GAPVD1: variants seen among roughly 807,000 people sequenced by gnomAD.
The protein encoded by GAPVD1 is GTPase activating protein and VPS9 domains 1.
GAPVD1 carries 35 observed loss-of-function variants against 155.5 expected under a neutral mutation model. That is an observed-to-expected ratio of 0.23 (90% confidence interval 0.17 to 0.30). The LOEUF is 0.30. Ranked by LOEUF, GAPVD1 falls within the 10% of genes least tolerant of loss-of-function variation. GAPVD1 has a pLI of 1.00. For missense variants in GAPVD1, 1,429 were observed against 1,775.7 expected, an observed-to-expected ratio of 0.80 and a Z score of 3.51; for synonymous variants, 636 against 619.7, an observed-to-expected ratio of 1.03 and a Z score of -0.39.
intron 21 of GAPVD1, among the ~76,000 whole-genome samples, chr9:125,349,984 C>T (rs769749126): frequency 1.3e-5 from 2 of 152,168 alleles, no homozygotes; most frequent in Non-Finnish European, 2.9e-5. Context: ...CGTGGTCCCT[C>T]CCACTCTGCC....
At chr9:125,310,620 A>G (rs944508789) in intron 8 of GAPVD1, among the ~76,000 whole-genome samples, 1 of 148,316 alleles carries the variant, frequency 6.7e-6, no homozygotes, top group African/African-American at 2.5e-5. Context: ...GCTCACCGCA[A>G]CCTCTGCCTC....
rs1404910883 is a variant in GAPVD1 at position 125,261,885 on chromosome 9, G to C, written c.-273G>C. 1 of 154,288 alleles carries C rather than the reference G, an allele frequency of 6.5e-6. No individual in the cohort carries two copies. The highest frequency in any genetic ancestry group is 6.5e-5 in the Admixed American group (1 of 15,302). The allele number at this position is 154,288 out of a possible 1,614,324, so 9.6% of individuals were successfully genotyped here. On this transcript the variant is annotated 5_prime_UTR_variant, in exon 1 of 28. Transcript: ENST00000297933. ...GGCAGCGGCGGCGGGGGCAGTCACC[G>C]GCTAGGGCGACGGCTCCGAGGCCGA...
At chr9:125,317,941 G>T (rs1019309696) in intron 9 of GAPVD1, among the ~76,000 whole-genome samples, 2 of 152,148 alleles carry the variant, frequency 1.3e-5, no homozygotes, top group Non-Finnish European at 2.9e-5. Context: ...TGAACTTGAA[G>T]ATGGATCAAT....
At chr9:125,297,850 A>G (rs1405069721) in intron 3 of GAPVD1, among the ~76,000 whole-genome samples, 3 of 152,082 alleles carry the variant, frequency 2.0e-5, no homozygotes, top group Non-Finnish European at 4.4e-5. Context: ...GGTTCAAACA[A>G]TTCTCCTGCC....
At chr9:125,296,177 C>A (rs1395379653) in intron 3 of GAPVD1, among the ~76,000 whole-genome samples, 2 of 150,216 alleles carry the variant, frequency 1.3e-5, no homozygotes, top group African/African-American at 2.4e-5. Flanking sequence ...TTCTTTCTTT[C>A]TTCCTTTTTT....
rs1851460388 is a variant in GAPVD1, at chr9:125,366,192, T to C, written c.*3446T>C. 1 of 152,192 alleles carries C rather than the reference T, an allele frequency of 6.6e-6. No individual in the cohort carries two copies. The highest frequency in any genetic ancestry group is 2.1e-4 in the South Asian group (1 of 4,826). 9.4% of individuals were successfully genotyped at this position (152,192 alleles called of 1,614,324 possible). A position where few individuals can be genotyped will look rare whatever the true frequency, so the allele number is the denominator to read the frequency against. On this transcript the variant is annotated 3_prime_UTR_variant, in exon 28 of 28. Coordinates refer to ENST00000297933, the MANE Select transcript of GAPVD1 (RefSeq NM_001282680.3). ...CTTTGTTTAAAGTGGGCTTTACAAA[T>C]GTGTCCCTGAGGTGCGTGAGCAAGA...
intron 2 of GAPVD1, among the ~76,000 whole-genome samples, chr9:125,291,104 T>C (rs573070350): frequency 2.0e-5 from 3 of 150,464 alleles, no homozygotes; most frequent in African/African-American, 4.9e-5. Flanking sequence ...CTAGGCAACA[T>C]AGGGAGACCT....
rs1201087481 is a variant in GAPVD1, at chr9:125,263,774, C to T, written c.-199+1815C>T. 7 of 963,304 alleles carry T rather than the reference C, an allele frequency of 7.3e-6. No homozygotes were observed. The Admixed American group carries it at 8.5e-5, about 12-fold the overall frequency. The allele number at this position is 963,304 out of a possible 1,614,324, so 59.7% of individuals were successfully genotyped here. On this transcript the variant is annotated intron_variant, in intron 1 of 27. Transcript: ENST00000297933. ...CTTGTGAGTCTCGCAGGTCACTCAC[C>T]CTCCAGACCTTTAGGCTGAGGCCTG...
Position 125,360,680 on chromosome 9 carries a change from T to A in GAPVD1, c.4197T>A (p.Pro1399=), listed in dbSNP as rs1408084634. Residue 1399 remains proline, a synonymous_variant, in exon 27 of 28, where the codon CCT becomes CCA. Coordinates refer to ENST00000297933, the MANE Select transcript of GAPVD1 (RefSeq NM_001282680.3). ...LLSLANEDSV[P]GADDFVPVLV... ...GCCTGGCCAATGAGGACTCTGTCCC[T>A]GGAGCGGATGACTTTGTTCCTGTGT... The A allele has an allele frequency of 1.2e-6, 2 of 1,614,090 alleles. No individual in the cohort carries two copies. The highest frequency in any genetic ancestry group is 2.2e-5 in the South Asian group (2 of 91,078).
intron 8 of GAPVD1, among the ~76,000 whole-genome samples, chr9:125,311,753 T>C (rs1842720235): frequency 6.6e-6 from 1 of 151,370 alleles, no homozygotes; most frequent in South Asian, 2.1e-4. Context: ...GGAGTCTCAC[T>C]CTGATGCCCA....
At chr9:125,317,430 A>G (rs1843609827) in intron 9 of GAPVD1, among the ~76,000 whole-genome samples, 2 of 151,968 alleles carry the variant, frequency 1.3e-5, no homozygotes, top group Non-Finnish European at 2.9e-5. Flanking sequence ...GTTTGAGACC[A>G]GCCTGAGCAA....
chr9:125,361,053 AGG>A (rs886877193), intron 27 of GAPVD1, among the ~76,000 whole-genome samples: 3 of 151,984 alleles, frequency 2.0e-5, no homozygotes, highest in Non-Finnish European at 2.9e-5. Flanking sequence ...TGCTAGAGAC[AGG>A]GTTTCGCCAT....
chr9:125,274,463 CTTTTTTT>C (rs1161944755), intron 2 of GAPVD1, among the ~76,000 whole-genome samples: 1 of 137,946 alleles, frequency 7.2e-6, no homozygotes, highest in Non-Finnish European at 1.6e-5. Context: ...GCGCTTTGTA[CTTTTTTT>C]TTTTTTTTTT....
chr9:125,355,978 A>G (rs1322909540), intron 25 of GAPVD1, 121 bp downstream of exon 25: 1 of 641,870 alleles, frequency 1.6e-6, no homozygotes, highest in Non-Finnish European at 2.8e-6. Context: ...TTCATTGGTT[A>G]CCATTTTTCA....
At chr9:125,280,574 A>G (rs1047828207) in intron 2 of GAPVD1, among the ~76,000 whole-genome samples, 3 of 144,458 alleles carry the variant, frequency 2.1e-5, no homozygotes, top group African/African-American at 7.7e-5. Context: ...TGTTACTACT[A>G]CTTTTTTTTT....
At chr9:125,329,603 CTCTT>C (rs1290505999) in intron 12 of GAPVD1, among the ~76,000 whole-genome samples, 3 of 149,588 alleles carry the variant, frequency 2.0e-5, no homozygotes, top group Non-Finnish European at 3.0e-5. Context: ...TTACTTTGGC[CTCTT>C]TCTTGTAGGT....
chr9:125,280,800 C>T (rs184448188), intron 2 of GAPVD1, among the ~76,000 whole-genome samples: 1 of 152,030 alleles, frequency 6.6e-6, no homozygotes, highest in Non-Finnish European at 1.5e-5. Context: ...TGGTGTCAAT[C>T]TCCTGACCTT....
chr9:125,263,836 ACAGT>A (rs1002379924), intron 1 of GAPVD1: 257 of 1,171,396 alleles, frequency 2.2e-4, no homozygotes, highest in Non-Finnish European at 3.0e-4. Context: ...GGTAGCAGGT[ACAGT>A]CTCCGGGGGG....
At chr9:125,272,296 A>G (rs1303915754) in intron 2 of GAPVD1, among the ~76,000 whole-genome samples, 1 of 152,194 alleles carries the variant, frequency 6.6e-6, no homozygotes, top group African/African-American at 2.4e-5. Flanking sequence ...TGCTGGGATT[A>G]CAGGCGTGAA....
Sources: gnomAD v4.1 joint callset for allele counts (sites outside exome capture counted in the v4.1 genomes callset) on GRCh38, gnomAD v4.1.1 for gene constraint, MANE v1.5 for transcripts, NCBI Gene and HGNC (gene_info 2026-07-23, HGNC 2026-07-21) for gene names.